The following SYTL3 variants were observed in gnomAD, a reference collection of about 807,000 sequenced individuals.
The protein encoded by SYTL3 is synaptotagmin-like protein 3.
A neutral mutation model predicts 82.1 loss-of-function variants in SYTL3; 88 were observed. The ratio of observed to expected loss-of-function variants is 1.07; its 90% CI spans 0.90 to 1.28. SYTL3 has a LOEUF of 1.28. Among genes scored for constraint, SYTL3 ranks in the 50% most tolerant of loss-of-function variants. SYTL3 has a pLI of 0.00. For missense variants in SYTL3, 831 were observed against 757.6 expected, an observed-to-expected ratio of 1.10 and a Z score of -1.14; for synonymous variants, 311 against 289.4, an observed-to-expected ratio of 1.07 and a Z score of -0.76.
At chr6:158,663,831 C>G (rs574822496) in intron 4 of SYTL3, among the ~76,000 whole-genome samples, 1 of 152,202 alleles carries the variant, frequency 6.6e-6, no homozygotes, top group African/African-American at 2.4e-5. Flanking sequence ...GAATCCAGCC[C>G]TGTCTTTTTT....
intron 6 of SYTL3, among the ~76,000 whole-genome samples, chr6:158,693,975 A>T (rs2128426977): frequency 6.6e-6 from 1 of 150,486 alleles, no homozygotes; most frequent in South Asian, 2.1e-4. Context: ...CTGTAGGCGT[A>T]AGCCACTGTG....
At chr6:158,755,786 G>A (rs566121322) in intron 13 of SYTL3, among the ~76,000 whole-genome samples, 3 of 152,302 alleles carry the variant, frequency 2.0e-5, no homozygotes, top group African/African-American at 7.2e-5. Flanking sequence ...GCCGTGTCAC[G>A]AGGAGTCACC....
intron 11 of SYTL3, among the ~76,000 whole-genome samples, chr6:158,741,842 ACAAT>A (rs1786968572): frequency 6.6e-6 from 1 of 152,204 alleles, no homozygotes. Flanking sequence ...CCAAGGCTGA[ACAAT>A]CATAGAATGG....
At chr6:158,705,485 G>A (rs1394573396) in intron 6 of SYTL3, among the ~76,000 whole-genome samples, 15 of 114,862 alleles carry the variant, frequency 1.3e-4, no homozygotes, top group Non-Finnish European at 2.2e-4. Context: ...GGGACAGGGT[G>A]ACAGGGCTAT....
intron 6 of SYTL3, among the ~76,000 whole-genome samples, chr6:158,697,129 C>T (rs917011837): frequency 2.0e-5 from 3 of 151,552 alleles, no homozygotes; most frequent in Non-Finnish European, 4.4e-5. Flanking sequence ...AAGATAAGAG[C>T]TCTTGTTTTC....
intron 6 of SYTL3, among the ~76,000 whole-genome samples, chr6:158,683,550 T>C (rs56167265): frequency 0.19 from 29,300 of 152,158 alleles, 4,221 homozygotes; most frequent in African/African-American, 0.41. Flanking sequence ...GCTCGTGCAC[T>C]ACAAGGTTTC....
chr6:158,713,703 A>C, intron 8 of SYTL3, 97 bp from the exon 9 acceptor site: 1 of 852,986 alleles, frequency 1.2e-6, no homozygotes, highest in Non-Finnish European at 1.9e-6. Flanking sequence ...GCACACACCC[A>C]CATGCCAGTG....
At chr6:158,717,308 GTTTT>G (rs10554536) in intron 9 of SYTL3, among the ~76,000 whole-genome samples, 2,780 of 148,752 alleles carry the variant, frequency 0.019, 75 homozygotes, top group African/African-American at 0.063. Flanking sequence ...AATTTTACCT[GTTTT>G]TTTTTTTTTA....
chr6:158,720,380 T>A (rs989631787), intron 10 of SYTL3, among the ~76,000 whole-genome samples: 12 of 125,064 alleles, frequency 9.6e-5, no homozygotes, highest in Non-Finnish European at 1.6e-4. Context: ...CGCTCCAGCC[T>A]GGGTGACAAG....
At chr6:158,700,074 G>T (rs1056738005) in intron 6 of SYTL3, among the ~76,000 whole-genome samples, 8 of 152,000 alleles carry the variant, frequency 5.3e-5, no homozygotes, top group African/African-American at 1.7e-4. Context: ...TGACCAACAT[G>T]GAGAAACCCC....
chr6:158,715,135 G>A (rs1259250199), intron 9 of SYTL3, among the ~76,000 whole-genome samples: 1 of 152,150 alleles, frequency 6.6e-6, no homozygotes, highest in Non-Finnish European at 1.5e-5. Flanking sequence ...TCTTGTGGGT[G>A]CTATTTTCCC....
chr6:158,682,333 A>G (rs550812077), intron 5 of SYTL3, among the ~76,000 whole-genome samples: 28 of 144,794 alleles, frequency 1.9e-4, no homozygotes, highest in Non-Finnish European at 3.6e-4. Flanking sequence ...GCACAAGTAT[A>G]TGTTAATATG....
chr6:158,665,581 T>A lies in SYTL3; in HGVS notation c.297T>A (p.His99Gln). The A allele has an allele frequency of 6.4e-7, 1 of 1,574,496 alleles. No homozygotes were observed. Among genetic ancestry groups the A allele is most frequent in the Non-Finnish European group, 8.6e-7 (1 of 1,160,112 alleles). Reference protein sequence around the residue: ...AQCRVFLRGTHAWKCTVCFED... With the variant: ...AQCRVFLRGTQAWKCTVCFED... ...GCCGAGTGTTCCTGAGGGGGACCCATGCCTGGAAGTGCACGGTGTGCTTCG... is the reference window on the plus strand; with the variant it reads ...GCCGAGTGTTCCTGAGGGGGACCCAAGCCTGGAAGTGCACGGTGTGCTTCG... Residue 99 changes from histidine (H) to glutamine (Q), a missense_variant, in exon 5 of 18, where the codon CAT becomes CAA. His to Gln is a conservative substitution (Grantham distance 24). Coordinates refer to ENST00000611299, the MANE Select transcript of SYTL3 (RefSeq NM_001242394.2).
chr6:158,726,770 T>C (rs1251522511), intron 11 of SYTL3: 1 of 193,708 alleles, frequency 5.2e-6, no homozygotes, highest in East Asian at 1.3e-4. Flanking sequence ...GGAGATGTTT[T>C]CAGTGTCTGT....
intron 10 of SYTL3, 33 bp downstream of exon 10, chr6:158,718,244 T>C: frequency 6.8e-7 from 1 of 1,460,566 alleles, no homozygotes; most frequent in South Asian, 1.4e-5. Context: ...TCCACGCTGA[T>C]CACCTTCATG....
rs779554698 is a variant in SYTL3 at position 158,745,623 on chromosome 6, T to A, written c.999T>A (p.Leu333=). ...TATGCATCAAGGCCTGTAAGAACCT[T>A]GCCTATGGAGAAGAAAAGAAGAAAA... ...LEICIKACKN[L]AYGEEKKKKC... The change falls in exon 12 of 18, where the codon CTT becomes CTA. Residue 333 remains leucine (L), a synonymous_variant. Coordinates refer to ENST00000611299, the MANE Select transcript of SYTL3 (RefSeq NM_001242394.2). The A allele has an allele frequency of 4.4e-6, 7 of 1,606,584 alleles. No homozygotes were observed. Among genetic ancestry groups the A allele is most frequent in the Non-Finnish European group, 5.1e-6 (6 of 1,177,850 alleles).
Position 158,763,337 on chromosome 6 carries a change from A to G in SYTL3, c.1551A>G (p.Arg517=), listed in dbSNP as rs752021713. 6.2e-7 allele frequency: 1 copy of G among 1,614,172 alleles called. No homozygotes were observed. The highest frequency in any genetic ancestry group is 8.5e-7 in the Non-Finnish European group (1 of 1,180,034). The part of the protein sequence containing the change: ...CLTLPDQQKL[R]LKSPVLRKQA... The stretch of plus-strand genomic sequence containing the variant: ...CTCTGCCAGACCAACAAAAACTGAG[A>G]CTGAAGTCGCCAGTCCTGAGGAAGC... The change falls in exon 17 of 18, where the codon AGA becomes AGG. Residue 517 remains arginine (R), a synonymous_variant. Transcript: ENST00000611299.
At chr6:158,757,161 G>A in intron 13 of SYTL3, 50 bp from the exon 14 acceptor site, 2 of 1,560,718 alleles carry the variant, frequency 1.3e-6, no homozygotes, top group Non-Finnish European at 1.7e-6. Flanking sequence ...GGGATCCTAG[G>A]AGTGCGGGCC....
intron 14 of SYTL3, among the ~76,000 whole-genome samples, chr6:158,759,754 G>A (rs1251116053): frequency 3.3e-5 from 5 of 152,018 alleles, no homozygotes; most frequent in South Asian, 4.2e-4. Context: ...GGCTGGTCTC[G>A]AACTCCTGAC....
Sources: gnomAD v4.1 joint callset for allele counts (sites outside exome capture counted in the v4.1 genomes callset) on GRCh38, gnomAD v4.1.1 for gene constraint, MANE v1.5 for transcripts, NCBI Gene and HGNC (gene_info 2026-07-23, HGNC 2026-07-21) for gene names.